The following ASTN2 variants were observed in gnomAD, a reference collection of about 807,000 sequenced individuals.
ASTN2 encodes the protein astrotactin-2.
ASTN2 carries 54 observed loss-of-function variants against 139.8 expected under a neutral mutation model. That is an observed-to-expected ratio of 0.39 (90% CI 0.31 to 0.48). The LOEUF (loss-of-function observed/expected upper bound fraction) is 0.48. ASTN2 is among the 20% of genes least tolerant of loss of function. The pLI, the probability that ASTN2 is intolerant of heterozygous loss-of-function variation, is 0.95. For synonymous variants in ASTN2, 756 were observed against 719.5 expected, an observed-to-expected ratio of 1.05 and a Z score of -0.81; for missense variants, 1,565 against 1,725.1, an observed-to-expected ratio of 0.91 and a Z score of 1.64.
At chr9:117,085,033 G>A (rs1315079131) in intron 5 of ASTN2, among the ~76,000 whole-genome samples, 1 of 152,186 alleles carries the variant, frequency 6.6e-6, no homozygotes, top group Non-Finnish European at 1.5e-5. Flanking sequence ...CAAGTAGGAA[G>A]CACCAGAGTG....
At chr9:117,391,389 C>A (rs538411464) in intron 1 of ASTN2, among the ~76,000 whole-genome samples, 5 of 152,228 alleles carry the variant, frequency 3.3e-5, no homozygotes, top group Admixed American at 6.5e-5. Flanking sequence ...TTATGTCAGA[C>A]GGCAAGGAGG....
intron 22 of ASTN2, among the ~76,000 whole-genome samples, chr9:116,429,891 C>T (rs1332259186): frequency 6.6e-6 from 1 of 152,204 alleles, no homozygotes; most frequent in African/African-American, 2.4e-5. Context: ...GACGCCACAC[C>T]TGAGCTAGTT....
Position 116,974,888 on chromosome 9 carries a change from A to C in ASTN2, c.1889+320T>G, listed in dbSNP as rs116606499. 3.8e-3 allele frequency among the ~76,000 whole-genome samples: 582 copies of C among 152,288 alleles called. 4 individuals carry two copies. Among genetic ancestry groups the C allele is most frequent in the African/African-American group, 0.014 (569 of 41,572 alleles). On this transcript the variant is annotated intron_variant, in intron 10 of 22. Transcript: ENST00000313400. ...ACAACAGAAAACATCCCATTTTCTA[A>C]ATTTTTGCCTTTGTGACTCTCCAAC... is the stretch of plus-strand genomic sequence containing the variant.
At chr9:116,941,109 G>T (rs1299985838) in intron 10 of ASTN2, among the ~76,000 whole-genome samples, 2 of 152,088 alleles carry the variant, frequency 1.3e-5, no homozygotes, top group Non-Finnish European at 2.9e-5. Context: ...CAAATTGCCA[G>T]ACAATGCATT....
At chr9:116,586,827 T>TATAC (rs1854167067) in intron 19 of ASTN2, among the ~76,000 whole-genome samples, 1 of 136,436 alleles carries the variant, frequency 7.3e-6, no homozygotes, top group Non-Finnish European at 1.6e-5. Context: ...CACACACACA[T>TATAC]ACATACACAC....
chr9:117,043,766 G>A (rs1838647996), intron 5 of ASTN2, among the ~76,000 whole-genome samples: 1 of 152,114 alleles, frequency 6.6e-6, no homozygotes, highest in African/African-American at 2.4e-5. Context: ...AAATGAGCCG[G>A]GCATGGTGGC....
intron 3 of ASTN2, among the ~76,000 whole-genome samples, chr9:117,209,411 T>C (rs1182598269): frequency 6.6e-6 from 1 of 152,128 alleles, no homozygotes; most frequent in Non-Finnish European, 1.5e-5. Context: ...GCTGGAATTA[T>C]ATCAGACTAA....
At chr9:116,539,575 C>G (rs187613659) in intron 19 of ASTN2, among the ~76,000 whole-genome samples, 16 of 152,232 alleles carry the variant, frequency 1.1e-4, no homozygotes, top group African/African-American at 3.4e-4. Flanking sequence ...TCCCCACTTT[C>G]CAGGGAGGAT....
chr9:116,686,741 CTG>C (rs1860237741), intron 16 of ASTN2: 23 of 1,550,514 alleles, frequency 1.5e-5, no homozygotes, highest in Non-Finnish European at 2.0e-5. Context: ...CTCCCCAAGT[CTG>C]CCTCTGCTGT....
At chr9:117,121,375 G>C (rs1393074131) in intron 4 of ASTN2, among the ~76,000 whole-genome samples, 1 of 152,236 alleles carries the variant, frequency 6.6e-6, no homozygotes, top group Admixed American at 6.5e-5. Context: ...GAGTTCAGCA[G>C]TCTGTGGCAT....
chr9:117,044,268 TAAG>T (rs1395417156), intron 5 of ASTN2, among the ~76,000 whole-genome samples: 1 of 152,056 alleles, frequency 6.6e-6, no homozygotes, highest in African/African-American at 2.4e-5. Context: ...GAGAAGGACA[TAAG>T]AAGGAGAAAG....
chr9:116,462,005 T>G (rs1056425844), intron 20 of ASTN2, among the ~76,000 whole-genome samples: 17 of 152,154 alleles, frequency 1.1e-4, no homozygotes, highest in African/African-American at 3.4e-4. Context: ...GTTGGCCTGT[T>G]AAATAATGGT....
intron 11 of ASTN2, among the ~76,000 whole-genome samples, chr9:116,842,892 G>C (rs933858868): frequency 1.3e-5 from 2 of 152,136 alleles, no homozygotes; most frequent in Admixed American, 6.5e-5. Context: ...CTCCCTGGCA[G>C]AGAATGAAAA....
rs1831285195 is a variant in ASTN2 at position 117,414,840 on chromosome 9, C to CGGCAGCAGT, written c.90_98dup (p.Pro33_Leu35dup). ...GCAGGAGCAGGAACAGCAGCAGCAG[C>CGGCAGCAGT]GGCAGCAGTGGCGGCGGCCCCGGGT... On this transcript the variant is annotated inframe_insertion, in exon 1 of 23. Transcript: ENST00000313400. The surrounding 1 kb of genome is among the most constrained non-coding windows in gnomAD (Gnocchi z 4.2). 2 of 1,153,884 alleles carry CGGCAGCAGT rather than the reference C, an allele frequency of 1.7e-6. No homozygotes were observed. The highest frequency in any genetic ancestry group is 2.1e-6 in the Non-Finnish European group (2 of 932,522). The allele number at this position is 1,153,884 out of a possible 1,614,324, so 71.5% of individuals were successfully genotyped here. A position where few individuals can be genotyped will look rare whatever the true frequency, so the allele number is the denominator to read the frequency against.
chr9:116,844,668 C>G (rs1216449386), intron 11 of ASTN2, among the ~76,000 whole-genome samples: 1 of 151,776 alleles, frequency 6.6e-6, no homozygotes, highest in East Asian at 1.9e-4. Flanking sequence ...TGGTAAGATC[C>G]TGATTGTTAT....
chr9:116,795,330 C>T (rs7863330), intron 13 of ASTN2, among the ~76,000 whole-genome samples: 2,729 of 152,366 alleles, frequency 0.018, 76 homozygotes, highest in African/African-American at 0.061. Context: ...TAGCACACCA[C>T]TGCAACTTTT....
chr9:117,337,888 G>T (rs868236968), intron 1 of ASTN2, among the ~76,000 whole-genome samples: 11 of 152,252 alleles, frequency 7.2e-5, no homozygotes, highest in African/African-American at 2.6e-4. Context: ...CCAATAGCAG[G>T]TACAATAAAT....
At position 117,014,261 on chromosome 9, in the gene ASTN2, C is replaced by G. The variant is rs12336896; in HGVS notation, c.1424-6002G>C. On this transcript the variant is annotated intron_variant, in intron 6 of 22. Transcript: ENST00000313400. ...CTCCCAGGTCCACAGAGCCCCAAGT[C>G]AGGCTTTAATACATTCCACCACCTA... Among the ~76,000 whole-genome samples, 840 of 152,230 alleles carry G rather than the reference C, an allele frequency of 5.5e-3. 6 individuals are homozygous for G. The highest frequency in any genetic ancestry group is 0.02 in the African/African-American group (812 of 41,544).
At chr9:116,672,260 G>A (rs1328333688) in intron 16 of ASTN2, among the ~76,000 whole-genome samples, 18 of 151,908 alleles carry the variant, frequency 1.2e-4, no homozygotes, top group Admixed American at 1.2e-3. Context: ...CAGCTACTTG[G>A]GGGACTGAGG....
Sources: allele counts gnomAD v4.1 joint callset (sites outside exome capture counted in the v4.1 genomes callset), GRCh38; gene constraint gnomAD v4.1.1; non-coding constraint Gnocchi (gnomAD v3.1); transcripts MANE v1.5; gene names NCBI Gene and HGNC (gene_info 2026-07-23, HGNC 2026-07-21).